VSIR: variants seen among roughly 807,000 people sequenced by gnomAD.
VSIR encodes the protein V-type immunoglobulin domain-containing suppressor of T-cell activation.
VSIR carries 10 observed loss-of-function variants against 31.0 expected under a neutral mutation model. The ratio of observed to expected loss-of-function variants is 0.32; its 90% confidence interval spans 0.20 to 0.55. VSIR has a LOEUF of 0.55. VSIR is among the 20% of genes least tolerant of loss of function. The probability of loss-of-function intolerance (pLI) is 0.93; values close to 1 mark genes in which losing one functional copy is unlikely to be tolerated. For synonymous variants in VSIR, 179 were observed against 180.1 expected (o/e 0.99, Z 0.05); for missense variants, 356 against 416.2 (o/e 0.86, Z 1.26).
chr10:71,749,362 A>G lies in VSIR; in HGVS notation c.*1891T>C, dbSNP rs1047696810. ...TTGCTCCGTCCCCAGGCTGGAGTGT[A>G]GTGGCTCGAACACAGCTCACAGCAG... On this transcript the variant is annotated 3_prime_UTR_variant, in exon 7 of 7. Transcript: ENST00000394957. 1 of 152,086 alleles carries G rather than the reference A, an allele frequency of 6.6e-6. No individual in the cohort carries two copies. Among genetic ancestry groups the G allele is most frequent in the Admixed American group, 6.5e-5 (1 of 15,284 alleles). 9.4% of individuals were successfully genotyped at this position (152,086 alleles called of 1,614,324 possible). A position where few individuals can be genotyped will look rare whatever the true frequency, so the allele number is the denominator to read the frequency against.
chr10:71,771,993 G>A (rs1315135054), intron 1 of VSIR, among the ~76,000 whole-genome samples: 1 of 152,236 alleles, frequency 6.6e-6, no homozygotes, highest in Non-Finnish European at 1.5e-5. Context: ...CAGGTGGGAT[G>A]CTGGCTTGCC....
At position 71,748,578 on chromosome 10, in the gene VSIR, T is replaced by G. The variant is rs2132857991; in HGVS notation, c.*2675A>C. ...GATAGGTAAGATGGCCCCTAATTCC[T>G]GATTGATCTCCTAACAATGAATTAG... On this transcript the variant is annotated 3_prime_UTR_variant, in exon 7 of 7. Transcript: ENST00000394957. 6.6e-6 allele frequency: 1 copy of G among 152,398 alleles called. No homozygotes were observed. The highest frequency in any genetic ancestry group is 2.1e-4 in the South Asian group (1 of 4,838). The allele number at this position is 152,398 out of a possible 1,614,324, so 9.4% of individuals were successfully genotyped here.
chr10:71,751,196 G>A lies in VSIR; in HGVS notation c.*57C>T, dbSNP rs1170122026. 6.4e-7 allele frequency: 1 copy of A among 1,572,890 alleles called. No homozygotes were observed. Among genetic ancestry groups the A allele is most frequent in the Non-Finnish European group, 8.7e-7 (1 of 1,155,404 alleles). On this transcript the variant is annotated 3_prime_UTR_variant, in exon 7 of 7. Transcript: ENST00000394957. This position sits in a 1 kb window ranked among gnomAD's most constrained non-coding sequence, Gnocchi z 4.9. ...GGAGGCCACTCACAGAGCCAGCCCT[G>A]GCTCAAATGCACCTGCCCCAGACCC... is the stretch of plus-strand genomic sequence containing the variant.
intron 1 of VSIR, among the ~76,000 whole-genome samples, chr10:71,772,726 T>G (rs140457366): frequency 2.1e-4 from 32 of 152,342 alleles, no homozygotes; most frequent in African/African-American, 6.7e-4. Flanking sequence ...CACTGGTCCC[T>G]GAGTGGCAGC....
Position 71,751,281 on chromosome 10 carries a change from G to A in VSIR, c.908C>T (p.Pro303Leu). Residue 303 changes from proline to leucine, a missense_variant, in exon 7 of 7, where the codon CCT (proline) becomes CTT (leucine). Around this residue, in one of 2 missense-constraint regions of VSIR, gnomAD observed 190 missense variants for 185.2 expected, o/e 1.03. Coordinates refer to ENST00000394957, the MANE Select transcript of VSIR (RefSeq NM_022153.2). This position sits in a 1 kb window ranked among gnomAD's most constrained non-coding sequence, Gnocchi z 4.9. ...DVFFPSLDPV[P>L]DSPNFEVI ...GATGACCTCAAAGTTTGGAGAGTCA[G>A]GGACAGGGTCTGCAAGAAAAGGAGA... 6.2e-7 allele frequency: 1 copy of A among 1,610,298 alleles called. No homozygotes were observed. Among genetic ancestry groups the A allele is most frequent in the Non-Finnish European group, 8.5e-7 (1 of 1,178,008 alleles).
In VSIR at chr10:71,751,604, C is replaced by T. The variant is rs1840004036; in HGVS notation, c.898+64G>A. 1 of 1,483,002 alleles carries T rather than the reference C, an allele frequency of 6.7e-7. No individual in the cohort carries two copies. Among genetic ancestry groups the T allele is most frequent in the Middle Eastern group, 2.5e-4 (1 of 4,024 alleles). The allele number at this position is 1,483,002 out of a possible 1,614,324, so 91.9% of individuals were successfully genotyped here. A position where few individuals can be genotyped will look rare whatever the true frequency, so the allele number is the denominator to read the frequency against. On this transcript the variant is annotated intron_variant, in intron 6 of 6. Coordinates refer to ENST00000394957, the MANE Select transcript of VSIR (RefSeq NM_022153.2). The surrounding 1 kb of genome is among the most constrained non-coding windows in gnomAD (Gnocchi z 4.9). ...GGGAGGGCAGGGAGTGAGGCCGATGCCCTGCAGGCCATGAGGTCATGACCT... is the reference window on the plus strand; with the variant it reads ...GGGAGGGCAGGGAGTGAGGCCGATGTCCTGCAGGCCATGAGGTCATGACCT...
intron 1 of VSIR, among the ~76,000 whole-genome samples, chr10:71,767,879 G>A (rs918397222): frequency 1.3e-5 from 2 of 152,196 alleles, no homozygotes; most frequent in East Asian, 1.9e-4. Flanking sequence ...GAAAGCCTCC[G>A]TGCATCCGGG....
At chr10:71,755,258 T>C (rs1840102675) in intron 4 of VSIR, 101 bp downstream of exon 4, 8 of 1,041,992 alleles carry the variant, frequency 7.7e-6, no homozygotes, top group Non-Finnish European at 1.1e-5. Context: ...TGAAAAGGAA[T>C]TGTGCCTGCA....
chr10:71,755,333 C>T (rs1840108318), intron 4 of VSIR, 26 bp downstream of exon 4: 2 of 1,594,074 alleles, frequency 1.3e-6, no homozygotes, highest in Non-Finnish European at 1.7e-6. Flanking sequence ...ACCGTCCACC[C>T]ACCCCAGGCA....
In VSIR at chr10:71,751,070, GCAT is replaced by G. The variant is rs1839985651; in HGVS notation, c.*180_*182del. 1.4e-6 allele frequency: 1 copy of G among 691,754 alleles called. No individual in the cohort carries two copies. The highest frequency in any genetic ancestry group is 2.1e-5 in the South Asian group (1 of 47,070). The allele number at this position is 691,754 out of a possible 1,614,324, so 42.9% of individuals were successfully genotyped here. Reference sequence around the variant, plus strand: ...CTTGGAACAGGGGCTGAGCCGTCCAGCATCCCCATGTAGCATCCAGAGGGGTTG... The same window carrying G: ...CTTGGAACAGGGGCTGAGCCGTCCAGCCCCATGTAGCATCCAGAGGGGTTG... On this transcript the variant is annotated 3_prime_UTR_variant, in exon 7 of 7. Coordinates refer to ENST00000394957, the MANE Select transcript of VSIR (RefSeq NM_022153.2). This position sits in a 1 kb window ranked among gnomAD's most constrained non-coding sequence, Gnocchi z 4.9.
intron 2 of VSIR, among the ~76,000 whole-genome samples, chr10:71,761,365 AG>A (rs1840378648): frequency 6.6e-6 from 1 of 152,158 alleles, no homozygotes. Context: ...CACATTAAAA[AG>A]TCTCACTGTC....
At chr10:71,759,900 TATATACACACACAC>T (rs1564779298) in intron 3 of VSIR, among the ~76,000 whole-genome samples, 2 of 44,972 alleles carry the variant, frequency 4.4e-5, no homozygotes, top group Admixed American at 2.4e-4. Context: ...CACACACACA[TATATACACACACAC>T]ATATATACAC....
chr10:71,751,838 G>A lies in VSIR; in HGVS notation c.728C>T (p.Pro243Leu), dbSNP rs779853858. ...GGCAGGTGGTGAGGCTTCAAAGCCG[G>A]GGTTTTCAATCCCTTGAATGTTGCT... ...MDSNIQGIEN[P>L]GFEASPPAQG... Residue 243 changes from proline to leucine, a missense_variant, in exon 6 of 7, where the codon CCC (proline) becomes CTC (leucine). Coordinates refer to ENST00000394957, the MANE Select transcript of VSIR (RefSeq NM_022153.2). This position sits in a 1 kb window ranked among gnomAD's most constrained non-coding sequence, Gnocchi z 4.9. 3 of 1,563,404 alleles carry A rather than the reference G, an allele frequency of 1.9e-6. No homozygotes were observed. Among genetic ancestry groups the A allele is most frequent in the Non-Finnish European group, 2.6e-6 (3 of 1,154,640 alleles).
chr10:71,761,038 G>T, intron 2 of VSIR, 114 bp from the exon 3 acceptor site: 2 of 1,028,226 alleles, frequency 1.9e-6, no homozygotes, highest in Non-Finnish European at 3.0e-6. Context: ...GTGCCTACTC[G>T]GCAGTGTTGG....
At chr10:71,756,365 A>G (rs944255040) in intron 3 of VSIR, among the ~76,000 whole-genome samples, 2 of 152,290 alleles carry the variant, frequency 1.3e-5, no homozygotes, top group East Asian at 1.9e-4. Context: ...TTCTGCTTAG[A>G]GTTTTATCAC....
chr10:71,751,009 C>T lies in VSIR; in HGVS notation c.*244G>A. On this transcript the variant is annotated 3_prime_UTR_variant, in exon 7 of 7. Coordinates refer to ENST00000394957, the MANE Select transcript of VSIR (RefSeq NM_022153.2). The surrounding 1 kb of genome is among the most constrained non-coding windows in gnomAD (Gnocchi z 4.9). ...TTTGGCATCTGTAGCTGGTGAATTT[C>T]AGGTCTCTAGGGGAGAATCTCAGCA... The T allele has an allele frequency of 2.1e-6, 1 of 466,352 alleles. No individual in the cohort carries two copies. The highest frequency in any genetic ancestry group is 3.8e-6 in the Non-Finnish European group (1 of 260,256). The allele number at this position is 466,352 out of a possible 1,614,324, so 28.9% of individuals were successfully genotyped here.
rs1839991730 is a variant in VSIR at position 71,751,273 on chromosome 10, G to A, written c.916C>T (p.Pro306Ser). ...FPSLDPVPDS[P>S]NFEVI ...CTGGGCTAGATGACCTCAAAGTTTGGAGAGTCAGGGACAGGGTCTGCAAGA... is the reference window on the plus strand; with the variant it reads ...CTGGGCTAGATGACCTCAAAGTTTGAAGAGTCAGGGACAGGGTCTGCAAGA... Residue 306 changes from proline (P) to serine (S), a missense_variant, in exon 7 of 7, where the codon CCA becomes TCA. By Grantham distance (74) the Pro-to-Ser change is moderately conservative (BLOSUM62 -1). This residue lies in a region of VSIR where 190 missense variants were observed against 185.2 expected (regional missense o/e 1.03). Transcript: ENST00000394957. This position sits in a 1 kb window ranked among gnomAD's most constrained non-coding sequence, Gnocchi z 4.9. 1 of 1,610,366 alleles carries A rather than the reference G, an allele frequency of 6.2e-7. No individual in the cohort carries two copies. The highest frequency in any genetic ancestry group is 2.2e-5 in the East Asian group (1 of 44,830).
At chr10:71,752,404 G>A (rs1036729508) in intron 5 of VSIR, among the ~76,000 whole-genome samples, 21 of 152,188 alleles carry the variant, frequency 1.4e-4, no homozygotes, top group African/African-American at 5.1e-4. Context: ...GGAGCTTTGT[G>A]TTTGGTGTTG....
In VSIR at chr10:71,755,465, G is replaced by A. The variant is rs746539092; in HGVS notation, c.570C>T (p.Asn190=). ...VYPSSSQDSE[N]ITAAALATGA... ...CCGTAGCCAGGGCTGCAGCCGTGAT[G>A]TCTGAAAGGGCAGAGAGGTAGCCAA... Residue 190 remains asparagine, a splice_region_variant and synonymous_variant, in exon 4 of 7, where the codon AAC becomes AAT. Transcript: ENST00000394957. 3 of 1,609,522 alleles carry A rather than the reference G, an allele frequency of 1.9e-6. No homozygotes were observed. Among genetic ancestry groups the A allele is most frequent in the African/African-American group, 2.7e-5 (2 of 74,860 alleles).
Sources: gnomAD v4.1 joint callset for allele counts (sites outside exome capture counted in the v4.1 genomes callset) on GRCh38, gnomAD v4.1.1 for gene constraint, gnomAD v4.1.1 regional missense constraint, Gnocchi (gnomAD v3.1) non-coding constraint, MANE v1.5 for transcripts, NCBI Gene and HGNC (gene_info 2026-07-23, HGNC 2026-07-21) for gene names.